Variants in CAST observed in about 807,000 individuals in gnomAD.
The protein encoded by CAST is calpastatin.
A neutral mutation model predicts 119.6 loss-of-function variants in CAST; 76 were observed. The observed-to-expected ratio is 0.64, with a 90% CI of 0.53 to 0.77. The LOEUF (loss-of-function observed/expected upper bound fraction) is 0.77, where lower values mean the gene tolerates loss of function less well. Ranked by LOEUF, CAST falls within the 30% of genes least tolerant of loss-of-function variation. CAST has a pLI of 0.00. For missense variants in CAST, 953 were observed against 946.5 expected, an observed-to-expected ratio of 1.01 and a Z score of -0.09; for synonymous variants, 319 against 331.6, an observed-to-expected ratio of 0.96 and a Z score of 0.41.
the CAST span, among the ~76,000 whole-genome samples, chr5:96,408,005 G>T: frequency 3.9e-5 from 6 of 152,174 alleles, no homozygotes; most frequent in African/African-American, 1.4e-4. Context: ...ACAAAATAAC[G>T]TCTATATTAA....
intron 1 of CAST, among the ~76,000 whole-genome samples, chr5:96,534,719 GAGAGAGAGAGAGAGAGAGAGAGAAA>G (rs1561408765): frequency 0.037 from 398 of 10,846 alleles, 14 homozygotes; most frequent in East Asian, 0.088. Flanking sequence ...AGGAAGGAGA[GAGAGAGAGAGAGAGAGAGAGAGAAA>G]GAAAGAAAGA....
At chr5:96,453,529 G>A in the CAST span, among the ~76,000 whole-genome samples, 3 of 152,186 alleles carry the variant, frequency 2.0e-5, no homozygotes, top group Non-Finnish European at 4.4e-5. Context: ...TCACAATAAT[G>A]TGTCAATGTA....
chr5:96,678,572 C>A (rs913999851), intron 2 of CAST, among the ~76,000 whole-genome samples: 6 of 152,092 alleles, frequency 3.9e-5, no homozygotes, highest in Non-Finnish European at 8.8e-5. Flanking sequence ...GGGCCGGGTG[C>A]GGTGGCTCAT....
chr5:96,595,849 G>T (rs930676061), intron 1 of CAST, among the ~76,000 whole-genome samples: 6 of 152,168 alleles, frequency 3.9e-5, no homozygotes, highest in Admixed American at 3.3e-4. Flanking sequence ...AAATAATGGA[G>T]TTCTTATTTA....
At chr5:96,772,019 T>C (rs536828368) in intron 31 of CAST, 12 of 195,674 alleles carry the variant, frequency 6.1e-5, no homozygotes, top group South Asian at 1.5e-4. Flanking sequence ...CTGCAGGTTA[T>C]TGTGGCAAAG....
the CAST span, among the ~76,000 whole-genome samples, chr5:96,211,715 ATTC>A: frequency 6.6e-6 from 1 of 152,034 alleles, no homozygotes; most frequent in Non-Finnish European, 1.5e-5. Flanking sequence ...GTTGGTGTTA[ATTC>A]TTCTGTAAAC....
At chr5:96,448,757 A>G in the CAST span, among the ~76,000 whole-genome samples, 2 of 152,142 alleles carry the variant, frequency 1.3e-5, no homozygotes, top group Non-Finnish European at 2.9e-5. Flanking sequence ...GACCATAAAC[A>G]TCATATCACT....
At chr5:96,395,629 A>T in the CAST span, among the ~76,000 whole-genome samples, 1 of 152,068 alleles carries the variant, frequency 6.6e-6, no homozygotes, top group Non-Finnish European at 1.5e-5. Flanking sequence ...ACATCACACA[A>T]TGGGCCTGTC....
the CAST span, among the ~76,000 whole-genome samples, chr5:96,427,164 G>T: frequency 0.012 from 1,824 of 152,226 alleles, 17 homozygotes; most frequent in Non-Finnish European, 0.019. Flanking sequence ...TGATTTGAAA[G>T]AATATTATCC....
intron 1 of CAST, among the ~76,000 whole-genome samples, chr5:96,601,871 A>G (rs1747160987): frequency 6.6e-6 from 1 of 152,214 alleles, no homozygotes; most frequent in African/African-American, 2.4e-5. Context: ...CCGTAATGCT[A>G]ATTGCTCCTG....
chr5:96,751,674 G>A (rs993096313), intron 20 of CAST, among the ~76,000 whole-genome samples: 1 of 152,166 alleles, frequency 6.6e-6, no homozygotes, highest in African/African-American at 2.4e-5. Flanking sequence ...GAAGAAAGCA[G>A]GCAAAGAGGC....
chr5:96,187,761 G>A, the CAST span, among the ~76,000 whole-genome samples: 2 of 152,140 alleles, frequency 1.3e-5, no homozygotes, highest in Admixed American at 6.5e-5. Context: ...TTCAATAGTC[G>A]AGGCTACCGA....
intron 24 of CAST, among the ~76,000 whole-genome samples, chr5:96,759,277 A>C (rs772665003): frequency 1.6e-4 from 25 of 152,186 alleles, no homozygotes; most frequent in Non-Finnish European, 2.8e-4. Flanking sequence ...TCATCTGTAA[A>C]AGAGTAGCTC....
chr5:96,668,675 G>A (rs531779982), intron 1 of CAST, among the ~76,000 whole-genome samples: 106 of 152,270 alleles, frequency 7.0e-4, no homozygotes, highest in African/African-American at 2.5e-3. Flanking sequence ...ATCTGCCCAA[G>A]GTCACGGTCA....
chr5:96,412,554 C>T, the CAST span: 11 of 1,374,822 alleles, frequency 8.0e-6, no homozygotes, highest in Non-Finnish European at 1.1e-5. Context: ...GACAAAAGCC[C>T]AATACTCTTA....
the CAST span, among the ~76,000 whole-genome samples, chr5:96,201,375 G>T: frequency 6.6e-6 from 1 of 152,038 alleles, no homozygotes; most frequent in African/African-American, 2.4e-5. Flanking sequence ...GTTATCCTGG[G>T]ATCCTGCACA....
At chr5:96,244,057 T>C in the CAST span, among the ~76,000 whole-genome samples, 1 of 152,226 alleles carries the variant, frequency 6.6e-6, no homozygotes, top group Non-Finnish European at 1.5e-5. Context: ...AGAAAGTGGC[T>C]AGAGTTGGAA....
chr5:96,073,855 G>A, the CAST span, among the ~76,000 whole-genome samples: 2 of 152,192 alleles, frequency 1.3e-5, no homozygotes, highest in African/African-American at 4.8e-5. Context: ...CTGTTCTAAA[G>A]TTCTTTCTTG....
the CAST span, among the ~76,000 whole-genome samples, chr5:96,094,245 T>A: frequency 6.6e-6 from 1 of 152,224 alleles, no homozygotes; most frequent in Non-Finnish European, 1.5e-5. Flanking sequence ...AATGTAGTCA[T>A]GTTGATCCAC....
Sources: gnomAD v4.1 joint callset for allele counts (sites outside exome capture counted in the v4.1 genomes callset) on GRCh38, gnomAD v4.1.1 for gene constraint, MANE v1.5 for transcripts, NCBI Gene and HGNC (gene_info 2026-07-23, HGNC 2026-07-21) for gene names.